Variants in FAM227B observed in about 807,000 individuals in gnomAD.
FAM227B encodes protein FAM227B.
Under a neutral mutation model 73.8 loss-of-function variants are expected in FAM227B, and 88 were observed. The ratio of observed to expected loss-of-function variants is 1.19; its 90% confidence interval spans 1.00 to 1.42. FAM227B has a LOEUF of 1.42. Ranked by LOEUF, FAM227B falls within the 40% of genes most tolerant of loss-of-function variation. FAM227B has a pLI of 0.00. For missense variants in FAM227B, 632 were observed against 590.9 expected, an observed-to-expected ratio of 1.07 and a Z score of -0.72; for synonymous variants, 210 against 190.5, an observed-to-expected ratio of 1.10 and a Z score of -0.84.
intron 13 of FAM227B, among the ~76,000 whole-genome samples, chr15:49,355,260 GAGA>G (rs1203305095): frequency 1.3e-5 from 2 of 152,236 alleles, no homozygotes; most frequent in Admixed American, 6.5e-5. Context: ...GAAGAGCTCA[GAGA>G]AGAAGGCTTC....
chr15:49,365,653 A>T, intron 13 of FAM227B: 1 of 1,094,930 alleles, frequency 9.1e-7, no homozygotes, highest in Non-Finnish European at 1.4e-6. Context: ...GAGAAGGCCT[A>T]GAAGTATCAC....
chr15:49,345,133 G>C (rs2151257662), intron 13 of FAM227B, among the ~76,000 whole-genome samples: 1 of 152,246 alleles, frequency 6.6e-6, no homozygotes, highest in East Asian at 1.9e-4. Context: ...ATTTGTGAGG[G>C]AGGTGATGTA....
intron 11 of FAM227B, among the ~76,000 whole-genome samples, chr15:49,434,948 T>C (rs957800957): frequency 1.3e-5 from 2 of 151,624 alleles, no homozygotes; most frequent in Admixed American, 6.6e-5. Flanking sequence ...ATTGGAATAA[T>C]ATATTTTTTC....
At chr15:49,358,116 C>T (rs1048093941) in intron 13 of FAM227B, among the ~76,000 whole-genome samples, 11 of 151,700 alleles carry the variant, frequency 7.3e-5, no homozygotes, top group African/African-American at 2.7e-4. Context: ...CTATGACAAA[C>T]CCACAGCCAA....
chr15:49,495,328 T>C (rs1271859446), intron 11 of FAM227B, among the ~76,000 whole-genome samples: 6 of 152,220 alleles, frequency 3.9e-5, no homozygotes, highest in Non-Finnish European at 8.8e-5. Context: ...CAAATAATGA[T>C]GAAATCTAAC....
chr15:49,508,363 T>C lies in FAM227B; in HGVS notation c.875-15A>G, dbSNP rs940861662. 4 of 1,554,292 alleles carry C rather than the reference T, an allele frequency of 2.6e-6. No individual in the cohort carries two copies. The highest frequency in any genetic ancestry group is 2.4e-5 in the South Asian group (2 of 81,782). On this transcript the variant is annotated splice_polypyrimidine_tract_variant and intron_variant, in intron 10 of 15. Transcript: ENST00000299338. ...AGGTTTTAAACCTGTTAATATAAAA[T>C]ACATATTTAGCCAAATAAATTTGGA...
At chr15:49,613,325 T>C (rs1211812407) in intron 2 of FAM227B, among the ~76,000 whole-genome samples, 1 of 152,176 alleles carries the variant, frequency 6.6e-6, no homozygotes, top group Non-Finnish European at 1.5e-5. Context: ...GAGACCAGCC[T>C]GGCCAACACG....
chr15:49,357,012 A>G (rs919760353), intron 13 of FAM227B, among the ~76,000 whole-genome samples: 20 of 151,396 alleles, frequency 1.3e-4, no homozygotes, highest in African/African-American at 4.9e-4. Flanking sequence ...TGAAGGCAGA[A>G]ATAAAGATGC....
intron 3 of FAM227B, among the ~76,000 whole-genome samples, chr15:49,607,276 A>T (rs2077581531): frequency 6.6e-6 from 1 of 152,328 alleles, no homozygotes; most frequent in South Asian, 2.1e-4. Context: ...TGCTATATAA[A>T]TACGTTAAGT....
chr15:49,545,244 G>C (rs1254297999), intron 9 of FAM227B, among the ~76,000 whole-genome samples: 1 of 151,986 alleles, frequency 6.6e-6, no homozygotes, highest in South Asian at 2.1e-4. Context: ...TATATTTCCT[G>C]GAATTTATCC....
intron 9 of FAM227B, 150 bp downstream of exon 9, chr15:49,568,095 A>AT (rs2074800657): frequency 1.6e-6 from 1 of 629,544 alleles, no homozygotes; most frequent in African/African-American, 1.9e-5. Context: ...TAATAAGAGC[A>AT]TAACTTTCAA....
intron 11 of FAM227B, among the ~76,000 whole-genome samples, chr15:49,455,522 A>G (rs1456973370): frequency 6.6e-6 from 1 of 152,218 alleles, no homozygotes; most frequent in Non-Finnish European, 1.5e-5. Context: ...ACTACTCTGA[A>G]AAAGATAAGA....
intron 9 of FAM227B, 85 bp downstream of exon 9, chr15:49,568,159 CT>C: frequency 8.5e-7 from 1 of 1,176,526 alleles, no homozygotes; most frequent in East Asian, 2.6e-5. Context: ...AAAATATATT[CT>C]CATATGGGTT....
intron 13 of FAM227B, among the ~76,000 whole-genome samples, chr15:49,354,426 T>G (rs1361238329): frequency 6.6e-6 from 1 of 152,168 alleles, no homozygotes; most frequent in Non-Finnish European, 1.5e-5. Context: ...AGGCATTGCC[T>G]CACTTGGGAA....
At chr15:49,610,360 A>T (rs2077810555) in intron 3 of FAM227B, among the ~76,000 whole-genome samples, 1 of 151,364 alleles carries the variant, frequency 6.6e-6, no homozygotes, top group Non-Finnish European at 1.5e-5. Flanking sequence ...TGACTGAAGT[A>T]AACTTTTATG....
At chr15:49,454,861 G>C (rs1465469831) in intron 11 of FAM227B, among the ~76,000 whole-genome samples, 1 of 152,006 alleles carries the variant, frequency 6.6e-6, no homozygotes, top group Non-Finnish European at 1.5e-5. Flanking sequence ...CGCTCGCCTC[G>C]GCCTCCCAAA....
intron 11 of FAM227B, chr15:49,424,420 T>C (rs780482125): frequency 1.2e-6 from 2 of 1,613,602 alleles, no homozygotes; most frequent in African/African-American, 2.7e-5. Context: ...AGCAAATGGC[T>C]ACAAATGTGA....
intron 13 of FAM227B, among the ~76,000 whole-genome samples, chr15:49,356,153 C>A (rs968316437): frequency 2.6e-5 from 4 of 152,040 alleles, no homozygotes; most frequent in African/African-American, 9.7e-5. Flanking sequence ...AATGTAAAGA[C>A]CATCGAGACT....
intron 11 of FAM227B, among the ~76,000 whole-genome samples, chr15:49,375,973 C>T (rs1053170783): frequency 6.6e-6 from 1 of 152,106 alleles, no homozygotes; most frequent in South Asian, 2.1e-4. Flanking sequence ...ATTGTTTGAA[C>T]TTATTATTGA....
Sources: gnomAD v4.1 joint callset for allele counts (sites outside exome capture counted in the v4.1 genomes callset) on GRCh38, gnomAD v4.1.1 for gene constraint, MANE v1.5 for transcripts, NCBI Gene and HGNC (gene_info 2026-07-23, HGNC 2026-07-21) for gene names.